Variants in GRAMD4 observed in about 807,000 individuals in gnomAD.
GRAMD4 encodes GRAM domain-containing protein 4.
GRAMD4 carries 25 observed loss-of-function variants against 83.9 expected under a neutral mutation model. That is an observed-to-expected ratio of 0.30 (90% CI 0.22 to 0.42). The LOEUF is 0.42. GRAMD4 is among the 10% of genes least tolerant of loss of function. GRAMD4 has a pLI of 1.00. For missense variants in GRAMD4, 593 were observed against 788.7 expected (o/e 0.75, Z 2.97); for synonymous variants, 336 against 320.9 (o/e 1.05, Z -0.50).
upstream of GRAMD4, among the ~76,000 whole-genome samples, chr22:46,615,587 A>C (rs1441616339): frequency 2.9e-5 from 2 of 69,206 alleles, no homozygotes; most frequent in Non-Finnish European, 5.4e-5. Flanking sequence ...CTGTGCGTGT[A>C]GGTTCCCCCG....
chr22:46,657,107 T>C (rs1282059788), intron 3 of GRAMD4, among the ~76,000 whole-genome samples: 4 of 152,176 alleles, frequency 2.6e-5, no homozygotes, highest in African/African-American at 7.2e-5. Context: ...TGCCTGAGCC[T>C]GTCAAGGAGA....
upstream of GRAMD4, among the ~76,000 whole-genome samples, chr22:46,615,670 AGGTTCCCCTG>A (rs772541913): frequency 0.12 from 2,787 of 22,460 alleles, 685 homozygotes; most frequent in Non-Finnish European, 0.18. Context: ...CCCCGTGCGT[AGGTTCCCCTG>A]TGCGTAGGTT....
intron 15 of GRAMD4, 136 bp from the exon 16 acceptor site, chr22:46,674,521 T>G (rs2082564917): frequency 1.4e-6 from 1 of 725,302 alleles, no homozygotes; most frequent in Admixed American, 1.9e-5. Flanking sequence ...CGGCGCGCCT[T>G]CCTCTCACTG....
downstream of GRAMD4, chr22:46,682,298 C>T: frequency 5.5e-6 from 2 of 363,304 alleles, no homozygotes; most frequent in South Asian, 1.1e-4. Context: ...CCACATGTCA[C>T]AGCTGGCATC....
chr22:46,615,730 G>T (rs554998939), upstream of GRAMD4, among the ~76,000 whole-genome samples: 2 of 48,564 alleles, frequency 4.1e-5, no homozygotes, highest in African/African-American at 8.5e-5. Context: ...AGGTTCCCCC[G>T]TGTGTAGGTT....
Position 46,662,176 on chromosome 22 carries a change from C to T in GRAMD4, c.466+734C>T, listed in dbSNP as rs541043603. 2.3e-4 allele frequency among the ~76,000 whole-genome samples: 35 copies of T among 152,340 alleles called. No homozygotes were observed. The South Asian group carries it at 6.4e-3, about 28-fold the overall frequency. On this transcript the variant is annotated intron_variant, in intron 5 of 18. Coordinates refer to ENST00000406902, the MANE Select transcript of GRAMD4 (RefSeq NM_015124.5). ...AAACTCTGCCAGGCTGCCTTGGGGG[C>T]GGGAAGAAGCCGCAGGAGCCTGCCC...
At chr22:46,623,971 G>A (rs1488010946) in intron 1 of GRAMD4, among the ~76,000 whole-genome samples, 2 of 151,734 alleles carry the variant, frequency 1.3e-5, no homozygotes, top group African/African-American at 4.8e-5. Flanking sequence ...AAGCAGAGAT[G>A]GAGGTTCGCC....
At chr22:46,633,875 T>C (rs1243244853) in intron 2 of GRAMD4, among the ~76,000 whole-genome samples, 2 of 152,150 alleles carry the variant, frequency 1.3e-5, no homozygotes, top group African/African-American at 4.8e-5. Context: ...CTTGGGATCC[T>C]TGATTGTTGT....
rs566712891 is a variant in GRAMD4, at chr22:46,659,857, G to A, written c.405-1524G>A. ...CGCTTTACCTGATGCTGAACCTTCT[G>A]GGAAAATCCACAGAAGCTCAAAGCT... On this transcript the variant is annotated intron_variant, in intron 4 of 18. Coordinates refer to ENST00000406902, the MANE Select transcript of GRAMD4 (RefSeq NM_015124.5). This position sits in a 1 kb window ranked among gnomAD's most constrained non-coding sequence, Gnocchi z 4.1. Among the ~76,000 whole-genome samples the A allele has an allele frequency of 3.1e-4, 47 of 152,336 alleles. No individual in the cohort carries two copies. In the South Asian group the frequency reaches 9.5e-3, roughly 31 times the overall value.
intron 3 of GRAMD4, among the ~76,000 whole-genome samples, chr22:46,647,069 A>C (rs2082082633): frequency 6.6e-6 from 1 of 152,132 alleles, no homozygotes; most frequent in African/African-American, 2.4e-5. Context: ...GGAATTCAAG[A>C]TGAGATTTGG....
At chr22:46,674,602 T>C (rs1385271986) in intron 15 of GRAMD4, 55 bp from the exon 16 acceptor site, 4 of 1,203,864 alleles carry the variant, frequency 3.3e-6, no homozygotes, top group Non-Finnish European at 5.0e-6. Flanking sequence ...CAGCGTCAGG[T>C]CAGAGGCTGG....
At chr22:46,616,087 C>A, upstream of GRAMD4, among the ~76,000 whole-genome samples, 1 of 121,852 alleles carries the variant, frequency 8.2e-6, no homozygotes, top group South Asian at 2.9e-4. Context: ...TTCCCCCAAG[C>A]GTGTAGGTTC....
chr22:46,637,708 C>T, intron 2 of GRAMD4, 132 bp from the exon 3 acceptor site: 1 of 870,064 alleles, frequency 1.1e-6, no homozygotes, highest in Non-Finnish European at 1.8e-6. Context: ...TGTCCAGAAA[C>T]TGCAGCTGCT....
intron 3 of GRAMD4, among the ~76,000 whole-genome samples, chr22:46,643,625 TC>T (rs1045167836): frequency 1.3e-4 from 20 of 152,240 alleles, no homozygotes; most frequent in African/African-American, 4.1e-4. Context: ...CATGCCTCTT[TC>T]GTCTCCTTTC....
intron 1 of GRAMD4, among the ~76,000 whole-genome samples, chr22:46,625,079 C>T (rs2081635875): frequency 6.6e-6 from 1 of 152,112 alleles, no homozygotes; most frequent in South Asian, 2.1e-4. Flanking sequence ...CCAAGATGGT[C>T]TCAATCTCCT....
At chr22:46,680,215 G>A (rs1053758956), downstream of GRAMD4, among the ~76,000 whole-genome samples, 1 of 152,162 alleles carries the variant, frequency 6.6e-6, no homozygotes, top group Non-Finnish European at 1.5e-5. Context: ...GGACACAGGG[G>A]TTTCCAGCAA....
intron 3 of GRAMD4, among the ~76,000 whole-genome samples, chr22:46,654,118 C>T (rs1001239328): frequency 2.7e-5 from 4 of 148,610 alleles, no homozygotes; most frequent in African/African-American, 5.0e-5. Flanking sequence ...CCAGCCACAC[C>T]GAAAGAGGGG....
intron 1 of GRAMD4, among the ~76,000 whole-genome samples, chr22:46,607,549 A>G (rs1213878703): frequency 2.0e-5 from 3 of 152,090 alleles, no homozygotes; most frequent in Non-Finnish European, 2.9e-5. Flanking sequence ...TGGGGGTGCC[A>G]GGGGATTCGC....
chr22:46,676,741 C>T (rs548700224), intron 18 of GRAMD4, 73 bp downstream of exon 18: 2 of 1,309,738 alleles, frequency 1.5e-6, no homozygotes, highest in South Asian at 2.5e-5. Flanking sequence ...ACCCTGGGAC[C>T]AGCGTGGGGC....
Sources: allele counts gnomAD v4.1 joint callset (sites outside exome capture counted in the v4.1 genomes callset), GRCh38; gene constraint gnomAD v4.1.1; non-coding constraint Gnocchi (gnomAD v3.1); transcripts MANE v1.5; gene names NCBI Gene and HGNC (gene_info 2026-07-23, HGNC 2026-07-21).